Variants in HIPK2 observed in about 807,000 individuals in gnomAD.
The protein encoded by HIPK2 is homeodomain interacting protein kinase 2.
A neutral mutation model predicts 113.7 loss-of-function variants in HIPK2; 27 were observed. That is an observed-to-expected ratio of 0.24 (90% CI 0.17 to 0.33). The LOEUF (loss-of-function observed/expected upper bound fraction) is 0.33, where lower values mean the gene tolerates loss of function less well. Among genes scored for constraint, HIPK2 ranks in the 10% least tolerant of loss-of-function variants. HIPK2 has a pLI of 1.00. For synonymous variants in HIPK2, 631 were observed against 642.2 expected (o/e 0.98, Z 0.26); for missense variants, 1,257 against 1,588.0 (o/e 0.79, Z 3.54).
At chr7:139,760,828 T>A (rs961566074) in intron 1 of HIPK2, among the ~76,000 whole-genome samples, 1 of 152,184 alleles carries the variant, frequency 6.6e-6, no homozygotes, top group Non-Finnish European at 1.5e-5. Context: ...AATACCCTGA[T>A]TGTACTCTCT....
At chr7:139,697,875 T>A (rs917495405) in intron 2 of HIPK2, among the ~76,000 whole-genome samples, 150 of 150,722 alleles carry the variant, frequency 1.0e-3, no homozygotes, top group East Asian at 7.1e-3. Context: ...TTTTTTTTTT[T>A]TTTTTTTTTT....
At chr7:139,668,489 G>A (rs999721712) in intron 2 of HIPK2, among the ~76,000 whole-genome samples, 2 of 151,144 alleles carry the variant, frequency 1.3e-5, no homozygotes, top group Non-Finnish European at 2.9e-5. Context: ...GTGAACCCGG[G>A]AGGCAGAGCT....
intron 10 of HIPK2, among the ~76,000 whole-genome samples, chr7:139,602,732 G>A (rs1799479673): frequency 6.6e-6 from 1 of 152,152 alleles, no homozygotes; most frequent in Non-Finnish European, 1.5e-5. Context: ...ATAGTGGGGA[G>A]GGAAGATGAC....
chr7:139,579,888 T>C (rs914664909), intron 13 of HIPK2, among the ~76,000 whole-genome samples: 1 of 152,172 alleles, frequency 6.6e-6, no homozygotes, highest in Non-Finnish European at 1.5e-5. Flanking sequence ...ATCAGTATTC[T>C]TAGCAAGCTT....
intron 2 of HIPK2, among the ~76,000 whole-genome samples, chr7:139,661,696 TA>T (rs780376790): frequency 1.6e-4 from 24 of 151,860 alleles, no homozygotes; most frequent in African/African-American, 5.3e-4. Flanking sequence ...GCTGATTAGT[TA>T]AAAAAAAATC....
At chr7:139,748,852 T>C (rs1049734974) in intron 1 of HIPK2, among the ~76,000 whole-genome samples, 2 of 152,182 alleles carry the variant, frequency 1.3e-5, no homozygotes, top group Non-Finnish European at 2.9e-5. Context: ...GCCCACCATC[T>C]GCCTTCCATT....
chr7:139,639,175 C>T (rs1304853686), intron 2 of HIPK2, among the ~76,000 whole-genome samples: 1 of 152,170 alleles, frequency 6.6e-6, no homozygotes, highest in Non-Finnish European at 1.5e-5. Context: ...GACCATTTTG[C>T]TGGGATCTGA....
intron 2 of HIPK2, among the ~76,000 whole-genome samples, chr7:139,666,411 C>T (rs958407325): frequency 1.3e-5 from 2 of 152,178 alleles, no homozygotes; most frequent in Admixed American, 1.3e-4. Context: ...ATCAAGGGTC[C>T]TCTGGTTCTT....
intron 1 of HIPK2, among the ~76,000 whole-genome samples, chr7:139,776,739 C>A (rs1040403621): frequency 6.6e-6 from 1 of 152,166 alleles, no homozygotes. Flanking sequence ...CTACTACAAG[C>A]ACACAAAAAC....
rs1033698610 is a variant in HIPK2, at chr7:139,649,300, G to A, written c.1104-17575C>T. Among the ~76,000 whole-genome samples, 29 of 152,242 alleles carry A rather than the reference G, an allele frequency of 1.9e-4. No homozygotes were observed. In the East Asian group the frequency reaches 5.2e-3, roughly 27 times the overall value. On this transcript the variant is annotated intron_variant, in intron 2 of 14. Transcript: ENST00000406875. ...GCAGCACCCCTTCCCCCAGGTACAC[G>A]CGCAAATGTTACAGGGCCCCAGAGC...
At chr7:139,772,762 T>A (rs1197213056) in intron 1 of HIPK2, among the ~76,000 whole-genome samples, 1 of 151,394 alleles carries the variant, frequency 6.6e-6, no homozygotes, top group Non-Finnish European at 1.5e-5. Context: ...ATTTTTTTTT[T>A]TTTTTGTATT....
intron 2 of HIPK2, among the ~76,000 whole-genome samples, chr7:139,703,384 G>C (rs1794769448): frequency 6.6e-6 from 1 of 152,028 alleles, no homozygotes; most frequent in African/African-American, 2.4e-5. Flanking sequence ...TATTCTGGGG[G>C]TTCGTACTTA....
chr7:139,777,217 A>C (rs1796782966), intron 1 of HIPK2: 1 of 148,690 alleles, frequency 6.7e-6, no homozygotes, highest in Non-Finnish European at 1.5e-5. Context: ...GCGGAGAGCG[A>C]AGTGGAAAGG....
intron 2 of HIPK2, among the ~76,000 whole-genome samples, chr7:139,700,938 C>T (rs1236731924): frequency 3.9e-5 from 6 of 152,218 alleles, no homozygotes; most frequent in African/African-American, 7.2e-5. Flanking sequence ...AAAAGACAGA[C>T]CTTTCTATAC....
intron 2 of HIPK2, among the ~76,000 whole-genome samples, chr7:139,673,051 G>C (rs1028650577): frequency 6.7e-6 from 1 of 148,774 alleles, no homozygotes; most frequent in African/African-American, 2.5e-5. Context: ...GTGGAGGACA[G>C]AAAGTCCTAG....
In HIPK2 at chr7:139,631,611, C is replaced by T. The variant is rs1254136304; in HGVS notation, c.1218G>A (p.Glu406=). The change falls in exon 3 of 15, where the codon GAG becomes GAA. Residue 406 remains glutamate, a synonymous_variant. Transcript: ENST00000406875. The surrounding 1 kb of genome is among the most constrained non-coding windows in gnomAD (Gnocchi z 4.9). ...LGWPLYPGAS[E]YDQIRYISQT... ...TGTCATCTGGACCCACCTGATCATA[C>T]TCCGAAGCTCCTGGATATAACGGCC... 2.5e-5 allele frequency: 40 copies of T among 1,613,848 alleles called. No homozygotes were observed. The highest frequency in any genetic ancestry group is 3.3e-5 in the Non-Finnish European group (39 of 1,179,878).
chr7:139,773,570 C>T (rs1347584244), intron 1 of HIPK2, among the ~76,000 whole-genome samples: 6 of 152,204 alleles, frequency 3.9e-5, no homozygotes, highest in African/African-American at 7.2e-5. Flanking sequence ...CTTTGCTCCA[C>T]ACAAACCTCA....
chr7:139,645,904 C>A (rs967551210), intron 2 of HIPK2, among the ~76,000 whole-genome samples: 1 of 152,136 alleles, frequency 6.6e-6, no homozygotes, highest in Non-Finnish European at 1.5e-5. Flanking sequence ...GAGTTAGGAA[C>A]AAGAAGATCT....
chr7:139,607,563 C>G (rs1799663304), intron 9 of HIPK2, among the ~76,000 whole-genome samples: 1 of 151,924 alleles, frequency 6.6e-6, no homozygotes, highest in Non-Finnish European at 1.5e-5. Flanking sequence ...ATACAGAAAA[C>G]TAACCCAATG....
Sources: allele counts gnomAD v4.1 joint callset (sites outside exome capture counted in the v4.1 genomes callset), GRCh38; gene constraint gnomAD v4.1.1; non-coding constraint Gnocchi (gnomAD v3.1); transcripts MANE v1.5; gene names NCBI Gene and HGNC (gene_info 2026-07-23, HGNC 2026-07-21).